The following MAP2K6 variants were observed in gnomAD, a reference collection of about 807,000 sequenced individuals.
MAP2K6 encodes mitogen-activated protein kinase kinase 6.
MAP2K6 carries 16 observed loss-of-function variants against 53.7 expected under a neutral mutation model. The ratio of observed to expected loss-of-function variants is 0.30; its 90% CI spans 0.20 to 0.45. MAP2K6 has a LOEUF of 0.45. Among genes scored for constraint, MAP2K6 ranks in the 20% least tolerant of loss-of-function variants. The pLI, the probability that MAP2K6 is intolerant of heterozygous loss-of-function variation, is 1.00. For synonymous variants in MAP2K6, 132 were observed against 143.1 expected (o/e 0.92, Z 0.55); for missense variants, 204 against 411.9 (o/e 0.50, Z 4.37).
intron 1 of MAP2K6, among the ~76,000 whole-genome samples, chr17:69,458,110 A>G (rs1441185429): frequency 6.6e-6 from 1 of 151,736 alleles, no homozygotes; most frequent in Non-Finnish European, 1.5e-5. Flanking sequence ...CTGGAGTGCA[A>G]TGGTGCCATC....
intron 2 of MAP2K6, 86 bp downstream of exon 2, chr17:69,505,932 G>A: frequency 8.6e-7 from 1 of 1,164,996 alleles, no homozygotes. Context: ...GCTGAGCAAT[G>A]CCTTGACTTT....
chr17:69,520,305 A>C lies in MAP2K6; in HGVS notation c.402A>C (p.Thr134=). 1 of 1,612,146 alleles carries C rather than the reference A, an allele frequency of 6.2e-7. No homozygotes were observed. Among genetic ancestry groups the C allele is most frequent in the Non-Finnish European group, 8.5e-7 (1 of 1,178,912 alleles). Residue 134 remains threonine (T), a synonymous_variant, in exon 6 of 12, where the codon ACA becomes ACC. Coordinates refer to ENST00000590474, the MANE Select transcript of MAP2K6 (RefSeq NM_002758.4). Reference sequence around the variant, plus strand: ...GGATCTGCATGGAGCTCATGGATACATCACTAGATAAATTCTACAAACAAG... The same window carrying C: ...GGATCTGCATGGAGCTCATGGATACCTCACTAGATAAATTCTACAAACAAG... The part of the protein sequence containing the change: ...DVWICMELMD[T]SLDKFYKQVI...
intron 1 of MAP2K6, among the ~76,000 whole-genome samples, chr17:69,466,873 G>A (rs554218147): frequency 2.0e-4 from 31 of 152,254 alleles, no homozygotes; most frequent in Non-Finnish European, 1.3e-4. Context: ...GGCTGATGGT[G>A]GAGGCTCCCC....
intron 1 of MAP2K6, chr17:69,502,703 G>A: frequency 1.0e-6 from 1 of 985,548 alleles, no homozygotes; most frequent in Non-Finnish European, 1.2e-6. Flanking sequence ...TGATGTTGAT[G>A]TGGGGGGCTG....
chr17:69,513,103 C>G (rs988671063), intron 2 of MAP2K6, among the ~76,000 whole-genome samples: 5 of 152,126 alleles, frequency 3.3e-5, no homozygotes, highest in African/African-American at 1.2e-4. Context: ...TCGCAATGCC[C>G]CTGGCAAACT....
intron 1 of MAP2K6, among the ~76,000 whole-genome samples, chr17:69,443,844 G>T (rs1438463100): frequency 4.6e-5 from 7 of 152,152 alleles, no homozygotes; most frequent in Admixed American, 4.6e-4. Flanking sequence ...TATTTTGAAG[G>T]ATAAGAGTTC....
In MAP2K6 at chr17:69,552,408, C is replaced by G. The variant is rs1450142493; in HGVS notation, c.*10655C>G. The G allele has an allele frequency of 6.6e-6, 1 of 152,218 alleles. No homozygotes were observed. The highest frequency in any genetic ancestry group is 1.5e-5 in the Non-Finnish European group (1 of 68,062). 9.4% of individuals were successfully genotyped at this position (152,218 alleles called of 1,614,324 possible). A position where few individuals can be genotyped will look rare whatever the true frequency, so the allele number is the denominator to read the frequency against. ...TCAGTGGATTCCCTCATTGAGGCTC[C>G]CATCTTTCCTGCCAGGTGCAGCTTT... On this transcript the variant is annotated 3_prime_UTR_variant, in exon 12 of 12. Transcript: ENST00000590474.
At position 69,551,872 on chromosome 17, in the gene MAP2K6, T is replaced by G. The variant is rs1418001868; in HGVS notation, c.*10119T>G. 1 of 152,242 alleles carries G rather than the reference T, an allele frequency of 6.6e-6. No individual in the cohort carries two copies. The highest frequency in any genetic ancestry group is 1.9e-4 in the East Asian group (1 of 5,206). 9.4% of individuals were successfully genotyped at this position (152,242 alleles called of 1,614,324 possible). A position where few individuals can be genotyped will look rare whatever the true frequency, so the allele number is the denominator to read the frequency against. On this transcript the variant is annotated 3_prime_UTR_variant, in exon 12 of 12. Transcript: ENST00000590474. ...GTGTTAGGAATGTAGTTTCACATTA[T>G]TTAAATACATGAACAGTTTTCTATA...
chr17:69,431,062 C>T (rs935442442), intron 1 of MAP2K6, among the ~76,000 whole-genome samples: 9 of 152,090 alleles, frequency 5.9e-5, no homozygotes, highest in South Asian at 2.1e-4. Context: ...TTACTGTGTG[C>T]GAGTCTTTGT....
At chr17:69,529,403 G>A (rs1311630042) in intron 10 of MAP2K6, among the ~76,000 whole-genome samples, 1 of 151,736 alleles carries the variant, frequency 6.6e-6, no homozygotes, top group Non-Finnish European at 1.5e-5. Flanking sequence ...TCTTTCACCA[G>A]TGTATTTTTT....
chr17:69,443,513 G>T (rs1906882715), intron 1 of MAP2K6, among the ~76,000 whole-genome samples: 1 of 152,180 alleles, frequency 6.6e-6, no homozygotes, highest in East Asian at 1.9e-4. Flanking sequence ...ATAAAAATCT[G>T]AGCGGTTATT....
Position 69,549,607 on chromosome 17 carries a change from T to G in MAP2K6, c.*7854T>G, listed in dbSNP as rs1301413599. On this transcript the variant is annotated 3_prime_UTR_variant, in exon 12 of 12. Transcript: ENST00000590474. ...CTAAATGAACCCTATTGTTTCCAGT[T>G]CTTAAAAATTTAAGGGCTATCTAAG... The G allele has an allele frequency of 2.6e-5, 4 of 152,322 alleles. No homozygotes were observed. In the East Asian group the frequency reaches 7.7e-4, roughly 29 times the overall value. The allele number at this position is 152,322 out of a possible 1,614,324, so 9.4% of individuals were successfully genotyped here. A position where few individuals can be genotyped will look rare whatever the true frequency, so the allele number is the denominator to read the frequency against.
intron 1 of MAP2K6, among the ~76,000 whole-genome samples, chr17:69,456,438 T>C (rs1598271017): frequency 6.6e-6 from 1 of 152,342 alleles, no homozygotes; most frequent in East Asian, 1.9e-4. Context: ...AAATCATTGA[T>C]TCTAGAGATT....
intron 1 of MAP2K6, among the ~76,000 whole-genome samples, chr17:69,453,081 G>C (rs879808301): frequency 1.3e-5 from 2 of 152,174 alleles, no homozygotes; most frequent in African/African-American, 2.4e-5. Context: ...TTTGCCTTTT[G>C]CTGGGAATTA....
chr17:69,506,858 G>A (rs1290384009), intron 2 of MAP2K6, among the ~76,000 whole-genome samples: 3 of 152,194 alleles, frequency 2.0e-5, no homozygotes, highest in Non-Finnish European at 4.4e-5. Context: ...TGTAGCTCAA[G>A]AGTCTAAACT....
chr17:69,505,902 T>A, intron 2 of MAP2K6, 56 bp downstream of exon 2: 4 of 1,501,370 alleles, frequency 2.7e-6, no homozygotes, highest in Non-Finnish European at 3.7e-6. Context: ...AGATTCCTCC[T>A]GGGGGTTTAT....
At chr17:69,498,070 G>C (rs539458182) in intron 1 of MAP2K6, among the ~76,000 whole-genome samples, 2 of 151,818 alleles carry the variant, frequency 1.3e-5, no homozygotes, top group Non-Finnish European at 2.9e-5. Flanking sequence ...CTGATGCTTC[G>C]ATGGCAGAAT....
chr17:69,513,922 C>G (rs1256934163), intron 2 of MAP2K6, among the ~76,000 whole-genome samples: 1 of 152,132 alleles, frequency 6.6e-6, no homozygotes, highest in Non-Finnish European at 1.5e-5. Context: ...TGAGACCAGC[C>G]TGGCCAACAT....
intron 10 of MAP2K6, among the ~76,000 whole-genome samples, chr17:69,527,588 A>AGAAG (rs1598312698): frequency 6.6e-6 from 1 of 152,222 alleles, no homozygotes. Flanking sequence ...GCAGGATGCC[A>AGAAG]GAAGTGAAGC....
Sources: gnomAD v4.1 joint callset for allele counts (sites outside exome capture counted in the v4.1 genomes callset) on GRCh38, gnomAD v4.1.1 for gene constraint, MANE v1.5 for transcripts, NCBI Gene and HGNC (gene_info 2026-07-23, HGNC 2026-07-21) for gene names.